CSMD3: variants seen among roughly 807,000 people sequenced by gnomAD.
The protein encoded by CSMD3 is CUB and Sushi multiple domains 3.
CSMD3 carries 177 observed loss-of-function variants against 435.2 expected under a neutral mutation model. That is an observed-to-expected ratio of 0.41 (90% CI 0.36 to 0.46). The LOEUF is 0.46. Ranked by LOEUF, CSMD3 falls within the 20% of genes least tolerant of loss-of-function variation. The probability of loss-of-function intolerance (pLI) is 0.34; values close to 1 mark genes in which losing one functional copy is unlikely to be tolerated. For synonymous variants in CSMD3, 1,656 were observed against 1,520.5 expected (o/e 1.09, Z -2.07); for missense variants, 4,265 against 4,504.6 (o/e 0.95, Z 1.52).
At chr8:112,907,375 G>A (rs1057148451) in intron 10 of CSMD3, among the ~76,000 whole-genome samples, 4 of 151,290 alleles carry the variant, frequency 2.6e-5, no homozygotes, top group African/African-American at 7.3e-5. Flanking sequence ...AATTCAGTAC[G>A]GTATAGTGAA....
chr8:112,991,990 G>T (rs2085473921), intron 6 of CSMD3, among the ~76,000 whole-genome samples: 1 of 151,718 alleles, frequency 6.6e-6, no homozygotes, highest in Admixed American at 6.6e-5. Flanking sequence ...GAGCAGGTGA[G>T]GTCCTGTAAT....
intron 32 of CSMD3, among the ~76,000 whole-genome samples, chr8:112,453,775 C>T (rs114709654): frequency 0.011 from 1,677 of 152,012 alleles, 31 homozygotes; most frequent in African/African-American, 0.036. Flanking sequence ...AAAATTCATA[C>T]GAAACCAAAA....
At chr8:112,325,398 T>C (rs1243028245) in intron 45 of CSMD3, among the ~76,000 whole-genome samples, 1 of 152,170 alleles carries the variant, frequency 6.6e-6, no homozygotes, top group East Asian at 1.9e-4. Flanking sequence ...TAATGCTACC[T>C]AAAGTTGATC....
chr8:113,149,688 T>TATAA (rs1343572496), intron 4 of CSMD3, among the ~76,000 whole-genome samples: 1 of 151,942 alleles, frequency 6.6e-6, no homozygotes, highest in Non-Finnish European at 1.5e-5. Flanking sequence ...AAATGGTATA[T>TATAA]TTCTCTAAAA....
At chr8:112,261,474 G>C (rs1187821972) in intron 61 of CSMD3, among the ~76,000 whole-genome samples, 2 of 151,642 alleles carry the variant, frequency 1.3e-5, no homozygotes, top group African/African-American at 4.8e-5. Flanking sequence ...TAAATTCTGG[G>C]TTTCTCATTT....
intron 3 of CSMD3, among the ~76,000 whole-genome samples, chr8:113,254,497 G>A (rs1046237834): frequency 1.3e-5 from 2 of 152,154 alleles, no homozygotes; most frequent in Non-Finnish European, 2.9e-5. Context: ...TTAGGGTAGG[G>A]AGGCCAGCTT....
At chr8:113,287,419 T>C (rs1302777038) in intron 2 of CSMD3, among the ~76,000 whole-genome samples, 5 of 152,044 alleles carry the variant, frequency 3.3e-5, no homozygotes, top group African/African-American at 9.7e-5. Context: ...GCATATCCTA[T>C]TGATATTGGA....
At chr8:112,495,660 G>A (rs1821261958) in intron 30 of CSMD3, among the ~76,000 whole-genome samples, 1 of 152,076 alleles carries the variant, frequency 6.6e-6, no homozygotes, top group Admixed American at 6.6e-5. Flanking sequence ...TTAAAAAAAT[G>A]TCTAGGCAGT....
rs536784438 is a variant in CSMD3 at position 113,332,992 on chromosome 8, T to C, written c.179-18199A>G. Among the ~76,000 whole-genome samples, 7 of 151,852 alleles carry C rather than the reference T, an allele frequency of 4.6e-5. No individual in the cohort carries two copies. The South Asian group carries it at 1.0e-3, about 22-fold the overall frequency. On this transcript the variant is annotated intron_variant, in intron 1 of 70. Transcript: ENST00000297405. ...AGTTTTACATATATAGACATTTGAT[T>C]TGAGTGTGGGGGAGTCAAGAGGGGA...
At position 113,176,049 on chromosome 8, in the gene CSMD3, A is replaced by T. The variant is rs73344380; in HGVS notation, c.515-2133T>A. Among the ~76,000 whole-genome samples the T allele has an allele frequency of 3.6e-3, 541 of 152,242 alleles. 3 individuals are homozygous for T. Among genetic ancestry groups the T allele is most frequent in the African/African-American group, 0.012 (504 of 41,580 alleles). The stretch of plus-strand genomic sequence containing the variant: ...AAATGGAAATCATGTCAGGTGAAGT[A>T]GTGAATGAATAGTAACATTGAATGG... On this transcript the variant is annotated intron_variant, in intron 3 of 70. Coordinates refer to ENST00000297405, the MANE Select transcript of CSMD3 (RefSeq NM_198123.2).
Position 112,682,577 on chromosome 8 carries a change from C to T in CSMD3, c.2542G>A (p.Asp848Asn), listed in dbSNP as rs2131786455. 6.2e-7 allele frequency: 1 copy of T among 1,613,632 alleles called. No homozygotes were observed. Among genetic ancestry groups the T allele is most frequent in the Non-Finnish European group, 8.5e-7 (1 of 1,179,628 alleles). ...ATTGAACTTCCTAATTGAAAGTTGTCCCCAAACCGCCGTGCATTGATTGGT... is the reference window on the plus strand; with the variant it reads ...ATTGAACTTCCTAATTGAAAGTTGTTCCCAAACCGCCGTGCATTGATTGGT... ...GIPINARRFG[D>N]NFQLGSSISV... is the part of the protein sequence containing the mutation. The change falls in exon 16 of 71, where the codon GAC (aspartate) becomes AAC (asparagine). Residue 848 changes from aspartate to asparagine, a missense_variant. Asp to Asn is a conservative substitution (Grantham distance 23). Coordinates refer to ENST00000297405, the MANE Select transcript of CSMD3 (RefSeq NM_198123.2).
chr8:112,567,437 G>A (rs1214683345), intron 24 of CSMD3, among the ~76,000 whole-genome samples: 2 of 151,974 alleles, frequency 1.3e-5, no homozygotes, highest in Non-Finnish European at 2.9e-5. Context: ...TTTGTTATGG[G>A]CAGGAACTTT....
chr8:112,716,623 T>C (rs1334645734), intron 13 of CSMD3, among the ~76,000 whole-genome samples: 1 of 152,052 alleles, frequency 6.6e-6, no homozygotes, highest in Admixed American at 6.6e-5. Flanking sequence ...GCCATGACAA[T>C]CCTAAGCAAT....
intron 32 of CSMD3, among the ~76,000 whole-genome samples, chr8:112,431,537 G>T (rs1277439652): frequency 6.6e-6 from 1 of 152,114 alleles, no homozygotes; most frequent in African/African-American, 2.4e-5. Context: ...TGGTGATGAG[G>T]TATGGTGCGT....
intron 3 of CSMD3, among the ~76,000 whole-genome samples, chr8:113,210,232 T>C (rs978942972): frequency 6.6e-6 from 1 of 152,050 alleles, no homozygotes; most frequent in Non-Finnish European, 1.5e-5. Context: ...AAACTAGAAA[T>C]TTCAGCGTGA....
intron 9 of CSMD3, among the ~76,000 whole-genome samples, chr8:112,930,283 A>G (rs2083063807): frequency 6.6e-6 from 1 of 152,126 alleles, no homozygotes; most frequent in African/African-American, 2.4e-5. Flanking sequence ...ATCAGACAGC[A>G]ATAAACTAAA....
intron 23 of CSMD3, among the ~76,000 whole-genome samples, chr8:112,577,315 T>C (rs1445800605): frequency 6.6e-6 from 1 of 152,118 alleles, no homozygotes; most frequent in Non-Finnish European, 1.5e-5. Context: ...AAAGTGGTCA[T>C]GAATACAAGC....
chr8:112,854,246 C>A (rs1185860118), intron 11 of CSMD3, among the ~76,000 whole-genome samples: 1 of 152,054 alleles, frequency 6.6e-6, no homozygotes, highest in Non-Finnish European at 1.5e-5. Context: ...CAAGAGTGAG[C>A]CTAAGACTTT....
At chr8:112,469,744 C>G (rs1481950078) in intron 32 of CSMD3, among the ~76,000 whole-genome samples, 1 of 152,132 alleles carries the variant, frequency 6.6e-6, no homozygotes, top group African/African-American at 2.4e-5. Context: ...CGGCCCAGTT[C>G]CTAACAGGCC....
Sources: gnomAD v4.1 joint callset for allele counts (sites outside exome capture counted in the v4.1 genomes callset) on GRCh38, gnomAD v4.1.1 for gene constraint, MANE v1.5 for transcripts, NCBI Gene and HGNC (gene_info 2026-07-23, HGNC 2026-07-21) for gene names.